ANO10: variants seen among roughly 807,000 people sequenced by gnomAD.
ANO10 encodes the protein anoctamin-10.
ANO10 carries 77 observed loss-of-function variants against 74.7 expected under a neutral mutation model. The ratio of observed to expected loss-of-function variants is 1.03; its 90% confidence interval spans 0.86 to 1.25. The LOEUF (loss-of-function observed/expected upper bound fraction) is 1.25. Ranked by LOEUF, ANO10 falls within the 50% of genes most tolerant of loss-of-function variation. The probability of loss-of-function intolerance (pLI) is 0.00; values close to 1 mark genes in which losing one functional copy is unlikely to be tolerated. For synonymous variants in ANO10, 279 were observed against 284.9 expected, an observed-to-expected ratio of 0.98 and a Z score of 0.21; for missense variants, 721 against 778.1, an observed-to-expected ratio of 0.93 and a Z score of 0.87.
At chr3:43,451,004 A>T (rs1317927685) in intron 11 of ANO10, among the ~76,000 whole-genome samples, 2 of 152,196 alleles carry the variant, frequency 1.3e-5, no homozygotes, top group African/African-American at 4.8e-5. Flanking sequence ...AGTTAATGCC[A>T]ATCTGATTAG....
At chr3:43,660,811 G>A (rs984859188) in intron 1 of ANO10, among the ~76,000 whole-genome samples, 11 of 152,192 alleles carry the variant, frequency 7.2e-5, no homozygotes, top group East Asian at 1.9e-4. Context: ...AAAATTAGCC[G>A]GGCGTGGTGG....
At chr3:43,567,239 AC>A (rs1213903196) in intron 7 of ANO10, among the ~76,000 whole-genome samples, 1 of 152,186 alleles carries the variant, frequency 6.6e-6, no homozygotes, top group African/African-American at 2.4e-5. Context: ...GGAGAATGGA[AC>A]CAAGTTGGAA....
intron 12 of ANO10, among the ~76,000 whole-genome samples, chr3:43,385,280 A>G (rs907292776): frequency 2.0e-5 from 3 of 152,222 alleles, no homozygotes; most frequent in Non-Finnish European, 4.4e-5. Context: ...GCATGAATAC[A>G]GTGAAAAGGG....
chr3:43,512,434 T>C (rs2077544747), intron 11 of ANO10, among the ~76,000 whole-genome samples: 1 of 152,144 alleles, frequency 6.6e-6, no homozygotes, highest in African/African-American at 2.4e-5. Flanking sequence ...TGTTATGACG[T>C]GGTACTATTA....
chr3:43,584,440 C>T (rs2081387557), intron 4 of ANO10, among the ~76,000 whole-genome samples: 1 of 152,164 alleles, frequency 6.6e-6, no homozygotes, highest in Non-Finnish European at 1.5e-5. Flanking sequence ...GAGAGTTAGG[C>T]TGCTGACCCT....
intron 11 of ANO10, among the ~76,000 whole-genome samples, chr3:43,497,772 T>C (rs570168712): frequency 1.3e-5 from 2 of 152,342 alleles, no homozygotes; most frequent in South Asian, 2.1e-4. Flanking sequence ...ATTTCTGTGA[T>C]ATATATTTAC....
chr3:43,678,807 T>C (rs2084156569), intron 1 of ANO10, among the ~76,000 whole-genome samples: 1 of 152,262 alleles, frequency 6.6e-6, no homozygotes, highest in Non-Finnish European at 1.5e-5. Context: ...AGTTGGGGAC[T>C]GTATTTGTAA....
intron 12 of ANO10, among the ~76,000 whole-genome samples, chr3:43,387,431 A>G (rs1384479819): frequency 2.0e-5 from 3 of 152,142 alleles, no homozygotes; most frequent in South Asian, 2.1e-4. Flanking sequence ...TGAGGAGGGC[A>G]GGAGGGAGAG....
chr3:43,651,537 G>C (rs992171403), intron 1 of ANO10, among the ~76,000 whole-genome samples: 3 of 152,166 alleles, frequency 2.0e-5, no homozygotes, highest in African/African-American at 7.2e-5. Flanking sequence ...CTAGCACAGA[G>C]ATGCCATGGG....
At chr3:43,595,371 A>G (rs1224698663) in intron 4 of ANO10, among the ~76,000 whole-genome samples, 2 of 152,238 alleles carry the variant, frequency 1.3e-5, no homozygotes, top group African/African-American at 4.8e-5. Context: ...TCAACAAAAT[A>G]ATGGCAAAGT....
At chr3:43,589,286 T>A in intron 4 of ANO10, among the ~76,000 whole-genome samples, 1 of 152,188 alleles carries the variant, frequency 6.6e-6, no homozygotes, top group Non-Finnish European at 1.5e-5. Flanking sequence ...ACACAAAAAC[T>A]TCTTAATAAA....
chr3:43,495,250 A>C (rs1410149875), intron 11 of ANO10, among the ~76,000 whole-genome samples: 2 of 152,170 alleles, frequency 1.3e-5, no homozygotes, highest in African/African-American at 4.8e-5. Flanking sequence ...TTTCAAAATT[A>C]ATTCAACATC....
At chr3:43,395,493 T>A (rs1463941182) in intron 12 of ANO10, among the ~76,000 whole-genome samples, 1 of 152,244 alleles carries the variant, frequency 6.6e-6, no homozygotes, top group African/African-American at 2.4e-5. Context: ...CATGTTCATT[T>A]TTTTGCACAT....
intron 12 of ANO10, among the ~76,000 whole-genome samples, chr3:43,382,475 C>T (rs2091992350): frequency 6.7e-6 from 1 of 149,404 alleles, no homozygotes; most frequent in Non-Finnish European, 1.5e-5. Context: ...GCCGAGATCG[C>T]GCCACTGCAC....
At chr3:43,584,963 G>A (rs1474011570) in intron 4 of ANO10, among the ~76,000 whole-genome samples, 1 of 152,038 alleles carries the variant, frequency 6.6e-6, no homozygotes, top group African/African-American at 2.4e-5. Flanking sequence ...GACTGCCCAG[G>A]GGAGCAGCTG....
intron 1 of ANO10, among the ~76,000 whole-genome samples, chr3:43,651,724 T>C (rs2083789745): frequency 1.3e-5 from 2 of 152,212 alleles, no homozygotes; most frequent in Admixed American, 1.3e-4. Flanking sequence ...AACCATTCTA[T>C]GTTGAATCTT....
At position 43,591,593 on chromosome 3, in the gene ANO10, T is replaced by A. The variant is rs531007526; in HGVS notation, c.472+6939A>T. 2.0e-5 allele frequency among the ~76,000 whole-genome samples: 3 copies of A among 152,222 alleles called. No individual in the cohort carries two copies. The East Asian group carries it at 5.8e-4, about 29-fold the overall frequency. On this transcript the variant is annotated intron_variant, in intron 4 of 12. Coordinates refer to ENST00000292246, the MANE Select transcript of ANO10 (RefSeq NM_018075.5). ...CCTGGATGAAGATTGGAAGGTGGTATTACACTATTAAAAGTAAACCATGAG... is the reference window on the plus strand; with the variant it reads ...CCTGGATGAAGATTGGAAGGTGGTAATACACTATTAAAAGTAAACCATGAG...
intron 12 of ANO10, among the ~76,000 whole-genome samples, chr3:43,406,686 G>A (rs2092582540): frequency 6.6e-6 from 1 of 152,186 alleles, no homozygotes; most frequent in African/African-American, 2.4e-5. Flanking sequence ...AAGCTGGACT[G>A]TTTCCTTTTA....
At chr3:43,436,136 C>T (rs1213961813) in intron 11 of ANO10, among the ~76,000 whole-genome samples, 1 of 152,044 alleles carries the variant, frequency 6.6e-6, no homozygotes, top group Admixed American at 6.6e-5. Flanking sequence ...TTTATAGCCT[C>T]GTGTTTCAAA....
Sources: allele counts gnomAD v4.1 joint callset (sites outside exome capture counted in the v4.1 genomes callset), GRCh38; gene constraint gnomAD v4.1.1; transcripts MANE v1.5; gene names NCBI Gene and HGNC (gene_info 2026-07-23, HGNC 2026-07-21).